CDH13: variants seen among roughly 807,000 people sequenced by gnomAD.
CDH13 encodes the protein cadherin 13, also known as cadherin-13.
Under a neutral mutation model 63.8 loss-of-function variants are expected in CDH13, and 24 were observed. That is an observed-to-expected ratio of 0.38 (90% CI 0.27 to 0.53). The LOEUF (loss-of-function observed/expected upper bound fraction) is 0.53, where lower values mean the gene tolerates loss of function less well. Among genes scored for constraint, CDH13 ranks in the 20% least tolerant of loss-of-function variants. The pLI, the probability that CDH13 is intolerant of heterozygous loss-of-function variation, is 0.85. For missense variants in CDH13, 1,049 were observed against 903.1 expected (o/e 1.16, Z -2.07); for synonymous variants, 503 against 355.3 (o/e 1.42, Z -4.67).
chr16:82,630,629 G>A (rs955258780), intron 1 of CDH13, among the ~76,000 whole-genome samples: 1 of 152,206 alleles, frequency 6.6e-6, no homozygotes, highest in South Asian at 2.1e-4. Context: ...TGTGTAAACT[G>A]AGCCTCAATC....
At chr16:83,004,359 A>T (rs967253836) in intron 2 of CDH13, among the ~76,000 whole-genome samples, 1 of 152,216 alleles carries the variant, frequency 6.6e-6, no homozygotes, top group Non-Finnish European at 1.5e-5. Flanking sequence ...ATCAGTTAGG[A>T]TATTGGCTAA....
At chr16:83,373,010 T>A (rs1240620546) in intron 6 of CDH13, among the ~76,000 whole-genome samples, 2 of 152,158 alleles carry the variant, frequency 1.3e-5, no homozygotes, top group Non-Finnish European at 2.9e-5. Context: ...TAAGATAGTT[T>A]TACCTAAATA....
chr16:83,351,379 G>A (rs1567610608), intron 6 of CDH13, among the ~76,000 whole-genome samples: 1 of 149,694 alleles, frequency 6.7e-6, no homozygotes, highest in Non-Finnish European at 1.5e-5. Flanking sequence ...ACTCTCCAGT[G>A]CCACCATCCA....
chr16:83,017,478 A>G (rs1273957511), intron 2 of CDH13, among the ~76,000 whole-genome samples: 2 of 152,342 alleles, frequency 1.3e-5, no homozygotes, highest in African/African-American at 4.8e-5. Flanking sequence ...TATTAGTTGT[A>G]AAAAGCAATC....
At chr16:82,903,736 A>T (rs1170397836) in intron 2 of CDH13, among the ~76,000 whole-genome samples, 1 of 152,014 alleles carries the variant, frequency 6.6e-6, no homozygotes, top group Non-Finnish European at 1.5e-5. Context: ...GTTATCCCTC[A>T]TGTGTTAGGG....
chr16:82,963,888 A>G (rs1338548063), intron 2 of CDH13, among the ~76,000 whole-genome samples: 1 of 152,198 alleles, frequency 6.6e-6, no homozygotes, highest in Non-Finnish European at 1.5e-5. Flanking sequence ...CCGGAAAGCC[A>G]GGTCGGAGAA....
At chr16:83,237,419 G>T (rs1252618108) in intron 5 of CDH13, among the ~76,000 whole-genome samples, 1 of 152,214 alleles carries the variant, frequency 6.6e-6, no homozygotes, top group Non-Finnish European at 1.5e-5. Context: ...GACCAACACT[G>T]TGTAATAGAC....
At chr16:83,346,929 A>G (rs2090852077) in intron 6 of CDH13, among the ~76,000 whole-genome samples, 2 of 152,202 alleles carry the variant, frequency 1.3e-5, no homozygotes, top group African/African-American at 4.8e-5. Flanking sequence ...TTATCCTATA[A>G]AAATACATAA....
chr16:83,753,959 T>C (rs559951531), intron 11 of CDH13, among the ~76,000 whole-genome samples: 1 of 152,100 alleles, frequency 6.6e-6, no homozygotes, highest in Admixed American at 6.5e-5. Flanking sequence ...ACCTTTTTTT[T>C]TCTCTGGGTG....
intron 1 of CDH13, among the ~76,000 whole-genome samples, chr16:82,701,837 A>C (rs2150992197): frequency 6.6e-6 from 1 of 152,234 alleles, no homozygotes; most frequent in Non-Finnish European, 1.5e-5. Context: ...GGATGCTCTG[A>C]TTAGCCAGGA....
chr16:83,518,812 G>C lies in CDH13; in HGVS notation c.960+32157G>C, dbSNP rs141151904. ...AAAGGGCTTTTCCCTGTTTTGCTCA[G>C]CACTTCTTGCTGCTGCCATGTGAAG... On this transcript the variant is annotated intron_variant, in intron 7 of 13. Coordinates refer to ENST00000567109, the MANE Select transcript of CDH13 (RefSeq NM_001257.5). Among the ~76,000 whole-genome samples, 5 of 152,240 alleles carry C rather than the reference G, an allele frequency of 3.3e-5. No homozygotes were observed. In the East Asian group the frequency reaches 9.7e-4, roughly 29 times the overall value.
At chr16:83,324,404 A>G (rs1415057013) in intron 5 of CDH13, among the ~76,000 whole-genome samples, 4 of 152,142 alleles carry the variant, frequency 2.6e-5, no homozygotes, top group Non-Finnish European at 2.9e-5. Context: ...GTAGCATCCA[A>G]CACCCCCTCT....
intron 1 of CDH13, among the ~76,000 whole-genome samples, chr16:82,656,507 C>T (rs1212558402): frequency 1.3e-5 from 2 of 152,158 alleles, no homozygotes; most frequent in African/African-American, 2.4e-5. Flanking sequence ...AATGCACAGC[C>T]TTGTCCCACT....
At chr16:82,941,665 C>T (rs1253477478) in intron 2 of CDH13, among the ~76,000 whole-genome samples, 2 of 152,206 alleles carry the variant, frequency 1.3e-5, no homozygotes, top group Admixed American at 6.5e-5. Context: ...GCACCAGGCA[C>T]ATTTTCTTTT....
intron 6 of CDH13, chr16:83,382,909 A>G (rs1229911428): frequency 6.6e-6 from 1 of 152,232 alleles, no homozygotes; most frequent in Non-Finnish European, 1.5e-5. Context: ...TGGTATTGAC[A>G]TCTAGGGCTT....
At chr16:83,568,282 T>G (rs144300240) in intron 7 of CDH13, among the ~76,000 whole-genome samples, 2 of 152,188 alleles carry the variant, frequency 1.3e-5, no homozygotes, top group Non-Finnish European at 2.9e-5. Flanking sequence ...TTTAAAAATA[T>G]TAATTTCTTA....
chr16:83,336,614 C>T (rs2090603447), intron 5 of CDH13, among the ~76,000 whole-genome samples: 1 of 152,194 alleles, frequency 6.6e-6, no homozygotes. Context: ...ACACACAATC[C>T]ATTGATCGAA....
chr16:82,811,635 A>G (rs1048527794), intron 1 of CDH13, among the ~76,000 whole-genome samples: 14 of 152,204 alleles, frequency 9.2e-5, no homozygotes, highest in African/African-American at 3.4e-4. Flanking sequence ...AAATGAGAAA[A>G]AAGAGGGACC....
chr16:83,622,940 G>C (rs534685883), intron 8 of CDH13, among the ~76,000 whole-genome samples: 3 of 152,294 alleles, frequency 2.0e-5, no homozygotes, highest in South Asian at 2.1e-4. Flanking sequence ...AGGCTTAGCA[G>C]GGAGGACAGG....
Sources: gnomAD v4.1 joint callset for allele counts (sites outside exome capture counted in the v4.1 genomes callset) on GRCh38, gnomAD v4.1.1 for gene constraint, MANE v1.5 for transcripts, NCBI Gene and HGNC (gene_info 2026-07-23, HGNC 2026-07-21) for gene names.